Variants in SLC14A2 observed in about 807,000 individuals in gnomAD.
SLC14A2 encodes solute carrier family 14 member 2.
Under a neutral mutation model 104.6 loss-of-function variants are expected in SLC14A2, and 91 were observed. The observed-to-expected ratio is 0.87, with a 90% CI of 0.73 to 1.04. The LOEUF is 1.04. Among genes scored for constraint, SLC14A2 ranks in the 50% least tolerant of loss-of-function variants. The pLI, the probability that SLC14A2 is intolerant of heterozygous loss-of-function variation, is 0.00. For missense variants in SLC14A2, 1,189 were observed against 1,156.0 expected, an observed-to-expected ratio of 1.03 and a Z score of -0.41; for synonymous variants, 476 against 466.4, an observed-to-expected ratio of 1.02 and a Z score of -0.27.
intron 2 of SLC14A2, among the ~76,000 whole-genome samples, chr18:45,491,418 G>T (rs1645016553): frequency 6.6e-6 from 1 of 152,078 alleles, no homozygotes; most frequent in South Asian, 2.1e-4. Flanking sequence ...CATAATAGAA[G>T]CATAAAAACA....
intron 1 of SLC14A2, among the ~76,000 whole-genome samples, chr18:45,406,835 T>G (rs907283209): frequency 1.2e-4 from 18 of 152,200 alleles, no homozygotes; most frequent in Admixed American, 5.2e-4. Context: ...TCTTTTTTTT[T>G]TCTGAGCAGT....
At chr18:45,534,091 A>G (rs1274132783) in intron 2 of SLC14A2, among the ~76,000 whole-genome samples, 2 of 152,226 alleles carry the variant, frequency 1.3e-5, no homozygotes, top group African/African-American at 4.8e-5. Flanking sequence ...ACAGAGAGGT[A>G]TGGTAAAATC....
intron 1 of SLC14A2, among the ~76,000 whole-genome samples, chr18:45,395,242 G>T (rs745675071): frequency 6.6e-5 from 10 of 152,194 alleles, no homozygotes; most frequent in Non-Finnish European, 1.5e-4. Flanking sequence ...TAATATGGAT[G>T]AGCTTTATAG....
intron 1 of SLC14A2, among the ~76,000 whole-genome samples, chr18:45,416,346 C>G (rs772061483): frequency 4.6e-5 from 7 of 150,556 alleles, no homozygotes; most frequent in Non-Finnish European, 1.0e-4. Flanking sequence ...TCTGGCTGCT[C>G]TACACCAAAT....
chr18:45,660,020 C>G (rs1406833778), intron 10 of SLC14A2, among the ~76,000 whole-genome samples: 1 of 150,990 alleles, frequency 6.6e-6, no homozygotes, highest in Non-Finnish European at 1.5e-5. Flanking sequence ...GTAGTCCCAA[C>G]AATTCCGAAT....
intron 1 of SLC14A2, among the ~76,000 whole-genome samples, chr18:45,297,742 C>T (rs372815152): frequency 2.0e-5 from 3 of 152,238 alleles, no homozygotes; most frequent in South Asian, 2.1e-4. Flanking sequence ...CCTGAATGAC[C>T]AGAGACACCA....
At chr18:45,538,850 C>CTTT (rs61475766) in intron 2 of SLC14A2, among the ~76,000 whole-genome samples, 89 of 105,256 alleles carry the variant, frequency 8.5e-4, no homozygotes, top group African/African-American at 2.1e-3. Flanking sequence ...TCCCCCTTCC[C>CTTT]TTTTTTTTTT....
chr18:45,214,518 G>A (rs2083990468), intron 1 of SLC14A2, among the ~76,000 whole-genome samples: 1 of 152,110 alleles, frequency 6.6e-6, no homozygotes, highest in South Asian at 2.1e-4. Flanking sequence ...TTGTTGTAAT[G>A]TTACATTTTG....
chr18:45,660,582 A>G (rs975218689), intron 10 of SLC14A2, among the ~76,000 whole-genome samples: 1 of 152,124 alleles, frequency 6.6e-6, no homozygotes, highest in Non-Finnish European at 1.5e-5. Context: ...TGCAAGGTCA[A>G]CCCTACAGGG....
Position 45,399,667 on chromosome 18 carries a change from T to G in SLC14A2, c.-124-83566T>G, listed in dbSNP as rs192299426. Among the ~76,000 whole-genome samples the G allele has an allele frequency of 2.6e-5, 4 of 152,270 alleles. No individual in the cohort carries two copies. In the East Asian group the frequency reaches 7.7e-4, roughly 29 times the overall value. ...AGAATACATATTATGGTGGGATGTTTTTTTCCATTTGTATCTATTTCTTTC... is the reference window on the plus strand; with the variant it reads ...AGAATACATATTATGGTGGGATGTTGTTTTCCATTTGTATCTATTTCTTTC... On this transcript the variant is annotated intron_variant, in intron 1 of 20. Coordinates refer to the SLC14A2 transcript ENST00000586448.
Position 45,673,691 on chromosome 18 carries a change from A to C in SLC14A2, c.2386A>C (p.Ile796Leu). Residue 796 changes from isoleucine to leucine, a missense_variant, in exon 18 of 20, where the codon ATT becomes CTT. Ile to Leu is a conservative substitution (Grantham distance 5). Coordinates refer to ENST00000255226, the MANE Select transcript of SLC14A2 (RefSeq NM_007163.4). The part of the protein sequence containing the change: ...STMGMLAALT[I>L]ATPFDSIYFG... ...CCTGCCTTCTGTCACAGCACTCACT[A>C]TTGCGACGCCCTTTGACTCCATCTA... is the stretch of plus-strand genomic sequence containing the variant. 1 of 1,613,936 alleles carries C rather than the reference A, an allele frequency of 6.2e-7. No individual in the cohort carries two copies. The highest frequency in any genetic ancestry group is 1.1e-5 in the South Asian group (1 of 91,070).
chr18:45,267,630 A>G (rs961278989), intron 1 of SLC14A2, among the ~76,000 whole-genome samples: 1 of 152,230 alleles, frequency 6.6e-6, no homozygotes, highest in African/African-American at 2.4e-5. Context: ...TCAGATGTCA[A>G]AGAACATCAG....
In SLC14A2 at chr18:45,430,644, C is replaced by T. The variant is rs137884393; in HGVS notation, c.-124-52589C>T. Among the ~76,000 whole-genome samples the T allele has an allele frequency of 1.5e-3, 234 of 152,060 alleles. 1 individual carries two copies. In the East Asian group the frequency reaches 0.02, roughly 13 times the overall value. On this transcript the variant is annotated intron_variant, in intron 1 of 20. Coordinates refer to the SLC14A2 transcript ENST00000586448. ...AGGCTGGAGTGCAGTGGTGTGATCT[C>T]AGCTCAGTGCAAGCTCCACCTCCTG...
intron 18 of SLC14A2, among the ~76,000 whole-genome samples, chr18:45,676,772 A>G (rs757985030): frequency 2.6e-5 from 4 of 151,990 alleles, no homozygotes; most frequent in Non-Finnish European, 5.9e-5. Flanking sequence ...CCAGCCCCAT[A>G]AAGTGTGTGG....
rs181683596 is a variant in SLC14A2, at chr18:45,430,803, G to C, written c.-124-52430G>C. ...GACAGAGAAAGAGAGAGCTTGCAGA[G>C]ATGGTGGCCTTCACATGGTGGGAAG... On this transcript the variant is annotated intron_variant, in intron 1 of 20. Coordinates refer to the SLC14A2 transcript ENST00000586448. Among the ~76,000 whole-genome samples the C allele has an allele frequency of 2.3e-3, 355 of 152,188 alleles. 1 individual carries two copies. Among genetic ancestry groups the C allele is most frequent in the African/African-American group, 7.9e-3 (328 of 41,544 alleles).
chr18:45,188,688 G>C, the SLC14A2 span, among the ~76,000 whole-genome samples: 1 of 152,184 alleles, frequency 6.6e-6, no homozygotes, highest in Non-Finnish European at 1.5e-5. Flanking sequence ...TCTGCAGTGA[G>C]GGTTTGCCTT....
chr18:45,183,951 C>A, the SLC14A2 span, among the ~76,000 whole-genome samples: 2 of 101,130 alleles, frequency 2.0e-5, no homozygotes, highest in Non-Finnish European at 3.6e-5. Context: ...CATGGAGTCT[C>A]ATATGTTGCC....
intron 1 of SLC14A2, among the ~76,000 whole-genome samples, chr18:45,255,776 A>T (rs2084471116): frequency 6.6e-6 from 1 of 152,076 alleles, no homozygotes; most frequent in African/African-American, 2.4e-5. Context: ...GAAAATATAT[A>T]TATATTTAAA....
At chr18:45,316,326 G>C (rs888975990) in intron 1 of SLC14A2, among the ~76,000 whole-genome samples, 1 of 152,212 alleles carries the variant, frequency 6.6e-6, no homozygotes, top group Non-Finnish European at 1.5e-5. Context: ...ATGGCCACCA[G>C]GAGGCTGCCT....
Sources: allele counts gnomAD v4.1 joint callset (sites outside exome capture counted in the v4.1 genomes callset), GRCh38; gene constraint gnomAD v4.1.1; transcripts MANE v1.5; gene names NCBI Gene and HGNC (gene_info 2026-07-23, HGNC 2026-07-21).